The following MIPEP variants were observed in gnomAD, a reference collection of about 807,000 sequenced individuals.
MIPEP encodes mitochondrial intermediate peptidase.
Under a neutral mutation model 90.3 loss-of-function variants are expected in MIPEP, and 79 were observed. The ratio of observed to expected loss-of-function variants is 0.87; its 90% CI spans 0.73 to 1.05. The LOEUF (loss-of-function observed/expected upper bound fraction) is 1.05, where lower values mean the gene tolerates loss of function less well. Ranked by LOEUF, MIPEP falls within the 50% of genes least tolerant of loss-of-function variation. The probability of loss-of-function intolerance (pLI) is 0.00; values close to 1 mark genes in which losing one functional copy is unlikely to be tolerated. For synonymous variants in MIPEP, 334 were observed against 315.8 expected (o/e 1.06, Z -0.61); for missense variants, 940 against 905.6 (o/e 1.04, Z -0.49).
chr13:23,764,346 AGAATGGAAGG>A (rs1184801088), intron 16 of MIPEP, among the ~76,000 whole-genome samples: 4 of 152,172 alleles, frequency 2.6e-5, no homozygotes, highest in African/African-American at 9.7e-5. Context: ...AGAACTTCAG[AGAATGGAAGG>A]CTCTTTGATC....
rs780218597 is a variant in MIPEP at position 23,838,211 on chromosome 13, G to A, written c.1339-455C>T. On this transcript the variant is annotated intron_variant, in intron 12 of 18. Transcript: ENST00000382172. ...CAGGCTGGAGTGCAGTGTTGTGATC[G>A]CAGTTCACTGCAGCCTGGACCTCCT... Among the ~76,000 whole-genome samples, 16 of 151,988 alleles carry A rather than the reference G, an allele frequency of 1.1e-4. No homozygotes were observed. The East Asian group carries it at 1.7e-3, about 17-fold the overall frequency.
intron 16 of MIPEP, among the ~76,000 whole-genome samples, chr13:23,794,527 G>C (rs1445054396): frequency 6.6e-6 from 1 of 152,112 alleles, no homozygotes; most frequent in Non-Finnish European, 1.5e-5. Flanking sequence ...AACGCTTCCT[G>C]AAATAGAAAC....
chr13:23,770,357 T>C (rs565444119), intron 16 of MIPEP, among the ~76,000 whole-genome samples: 5 of 152,274 alleles, frequency 3.3e-5, no homozygotes, highest in African/African-American at 1.2e-4. Context: ...ATATGGCTCA[T>C]TCTCACTTTC....
intron 18 of MIPEP, among the ~76,000 whole-genome samples, chr13:23,749,771 T>C (rs780722363): frequency 2.0e-5 from 3 of 152,230 alleles, no homozygotes; most frequent in Non-Finnish European, 4.4e-5. Flanking sequence ...CCCTCCTCCA[T>C]GCCAACATAA....
At chr13:23,741,821 A>C (rs1021063924) in intron 18 of MIPEP, among the ~76,000 whole-genome samples, 3 of 142,668 alleles carry the variant, frequency 2.1e-5, no homozygotes, top group African/African-American at 7.3e-5. Flanking sequence ...CTAGAAAAAA[A>C]ATTTAAAAAA....
intron 4 of MIPEP, 110 bp downstream of exon 4, chr13:23,879,158 A>C: frequency 1.4e-6 from 1 of 702,136 alleles, no homozygotes. Flanking sequence ...ATACCTGGGG[A>C]GGAACATTCC....
intron 18 of MIPEP, among the ~76,000 whole-genome samples, chr13:23,743,269 G>A (rs886191491): frequency 6.6e-6 from 1 of 152,268 alleles, no homozygotes; most frequent in South Asian, 2.1e-4. Flanking sequence ...AGGCTAGCCT[G>A]GCAGTTTGAA....
Position 23,838,092 on chromosome 13 carries a change from CCTA to C in MIPEP, c.1339-339_1339-337del, listed in dbSNP as rs1869135526. Among the ~76,000 whole-genome samples, 3 of 152,096 alleles carry C rather than the reference CCTA, an allele frequency of 2.0e-5. No individual in the cohort carries two copies. The South Asian group carries it at 6.2e-4, about 32-fold the overall frequency. On this transcript the variant is annotated intron_variant, in intron 12 of 18. Transcript: ENST00000382172. ...GGGACACTAACATTTATTCTGAGTC[CCTA>C]CTATGTGTCAGATAATGAACTAGTA...
In MIPEP at chr13:23,762,141, T is replaced by TA. The variant is rs200684274; in HGVS notation, c.1849-1925dup. Reference sequence around the variant, plus strand: ...ATCTGTCTCAAAAAATAATAATAATTAAAAAATAAATAAACAACTTTTTTA... The same window carrying TA: ...ATCTGTCTCAAAAAATAATAATAATTAAAAAAATAAATAAACAACTTTTTTA... On this transcript the variant is annotated intron_variant, in intron 16 of 18. Transcript: ENST00000382172. 7.9e-4 allele frequency among the ~76,000 whole-genome samples: 119 copies of TA among 150,826 alleles called. 3 individuals are homozygous for TA. In the East Asian group the frequency reaches 0.017, roughly 22 times the overall value.
intron 16 of MIPEP, among the ~76,000 whole-genome samples, chr13:23,793,919 T>C (rs1336301718): frequency 1.3e-5 from 2 of 152,132 alleles, no homozygotes; most frequent in East Asian, 3.9e-4. Flanking sequence ...AACTTGCAAG[T>C]GGGCAAAGGA....
chr13:23,758,356 G>C (rs1952507682), intron 17 of MIPEP, among the ~76,000 whole-genome samples: 1 of 152,180 alleles, frequency 6.6e-6, no homozygotes, highest in Non-Finnish European at 1.5e-5. Context: ...ACAGAGGTTA[G>C]AAATTTTCTA....
At chr13:23,756,644 ACTCCTG>A in intron 17 of MIPEP, 26 bp from the exon 18 acceptor site, 2 of 1,605,374 alleles carry the variant, frequency 1.2e-6, no homozygotes, top group Non-Finnish European at 1.7e-6. Flanking sequence ...TCTGTTACAG[ACTCCTG>A]CTTGCACAGC....
chr13:23,872,793 G>A (rs1235547185), intron 5 of MIPEP, among the ~76,000 whole-genome samples: 1 of 151,594 alleles, frequency 6.6e-6, no homozygotes, highest in Non-Finnish European at 1.5e-5. Context: ...CTATTTGTCA[G>A]CAAAATTTCA....
At chr13:23,850,941 T>C (rs777871299) in intron 10 of MIPEP, among the ~76,000 whole-genome samples, 2 of 152,194 alleles carry the variant, frequency 1.3e-5, no homozygotes, top group African/African-American at 2.4e-5. Context: ...AATGAAAACC[T>C]AGTGAGAAGG....
chr13:23,811,225 T>C (rs950883826), intron 14 of MIPEP, among the ~76,000 whole-genome samples: 5 of 152,238 alleles, frequency 3.3e-5, no homozygotes, highest in Admixed American at 3.3e-4. Context: ...TTAAAAGATT[T>C]TTCATGCTTC....
Position 23,760,143 on chromosome 13 carries a change from G to C in MIPEP, c.1923C>G (p.Val641=), listed in dbSNP as rs779977642. 10 of 1,614,010 alleles carry C rather than the reference G, an allele frequency of 6.2e-6. No homozygotes were observed. Among genetic ancestry groups the C allele is most frequent in the Non-Finnish European group, 8.5e-6 (10 of 1,180,032 alleles). ...AACACTCCTTCCAAACCATGGAGGC[G>C]ACCGCTCTGGACATGAGGTAAGAGT... is the stretch of plus-strand genomic sequence containing the variant. ...RYYSYLMSRA[V]ASMVWKECFL... The change falls in exon 17 of 19, where the codon GTC becomes GTG. Residue 641 remains valine (V), a synonymous_variant. Transcript: ENST00000382172.
chr13:23,817,739 C>T (rs1410552450), intron 14 of MIPEP, among the ~76,000 whole-genome samples: 5 of 152,030 alleles, frequency 3.3e-5, no homozygotes, highest in South Asian at 2.1e-4. Flanking sequence ...CCTCAAAATT[C>T]GATCCTGTGA....
At chr13:23,809,510 A>C (rs1953148851) in intron 15 of MIPEP, among the ~76,000 whole-genome samples, 1 of 151,980 alleles carries the variant, frequency 6.6e-6, no homozygotes, top group Non-Finnish European at 1.5e-5. Context: ...ATGCCTGGCT[A>C]ATTTTTGTAT....
intron 18 of MIPEP, among the ~76,000 whole-genome samples, chr13:23,737,660 GC>G (rs1338042321): frequency 6.6e-6 from 1 of 152,034 alleles, no homozygotes; most frequent in Non-Finnish European, 1.5e-5. Context: ...CATACTCATG[GC>G]CTCACCTGTT....
Sources: gnomAD v4.1 joint callset for allele counts (sites outside exome capture counted in the v4.1 genomes callset) on GRCh38, gnomAD v4.1.1 for gene constraint, MANE v1.5 for transcripts, NCBI Gene and HGNC (gene_info 2026-07-23, HGNC 2026-07-21) for gene names.